The following PLXNB2 variants were observed in gnomAD, a reference collection of about 807,000 sequenced individuals.
The protein encoded by PLXNB2 is plexin-B2.
PLXNB2 carries 85 observed loss-of-function variants against 202.6 expected under a neutral mutation model. The ratio of observed to expected loss-of-function variants is 0.42; its 90% CI spans 0.35 to 0.50. PLXNB2 has a LOEUF of 0.50. Ranked by LOEUF, PLXNB2 falls within the 20% of genes least tolerant of loss-of-function variation. The pLI is 0.02. For synonymous variants in PLXNB2, 1,239 were observed against 1,137.6 expected, an observed-to-expected ratio of 1.09 and a Z score of -1.79; for missense variants, 2,063 against 2,586.2, an observed-to-expected ratio of 0.80 and a Z score of 4.39.
At chr22:50,276,760 TG>T in intron 34 of PLXNB2, 56 bp from the exon 35 acceptor site, 2 of 1,547,778 alleles carry the variant, frequency 1.3e-6, no homozygotes, top group Non-Finnish European at 1.8e-6. Flanking sequence ...AAGGGGGTGG[TG>T]GGGGAAACCA....
Position 50,297,443 on chromosome 22 carries a change from C to T in PLXNB2, c.-73-2665G>A, listed in dbSNP as rs75224671. On this transcript the variant is annotated intron_variant, in intron 1 of 36. Transcript: ENST00000359337. The surrounding 1 kb of genome is among the most constrained non-coding windows in gnomAD (Gnocchi z 5.3). ...GAGGAGGCTTTCTGCCGTCCTCTTC[C>T]CTGGCCCTCACCGTGGAGAACGGCC... 0.067 allele frequency among the ~76,000 whole-genome samples: 10,150 copies of T among 152,210 alleles called. 823 individuals are homozygous for T. The highest frequency in any genetic ancestry group is 0.19 in the African/African-American group (7,923 of 41,482).
Position 50,286,023 on chromosome 22 carries a change from G to A in PLXNB2, c.1953C>T (p.Pro651=). The part of the protein sequence containing the change: ...LRYHECREAS[P]NPEDGIVRAH... The stretch of plus-strand genomic sequence containing the variant: ...CACGGACGATGCCGTCCTCAGGGTT[G>A]GGCGAAGCCTCCCGGCACTCGTGGT... Residue 651 remains proline, a synonymous_variant, in exon 10 of 37, where the codon CCC becomes CCT. Transcript: ENST00000359337. 1.2e-6 allele frequency: 2 copies of A among 1,612,434 alleles called. No individual in the cohort carries two copies. Among genetic ancestry groups the A allele is most frequent in the South Asian group, 1.1e-5 (1 of 91,086 alleles).
At chr22:50,306,078 T>TCGGGTGA (rs1271157909) in intron 1 of PLXNB2, among the ~76,000 whole-genome samples, 1 of 152,194 alleles carries the variant, frequency 6.6e-6, no homozygotes, top group Non-Finnish European at 1.5e-5. Context: ...GCCTCCCGCT[T>TCGGGTGA]CGGGTGACTG....
intron 35 of PLXNB2, among the ~76,000 whole-genome samples, chr22:50,276,321 C>CACA (rs2065573803): frequency 5.0e-4 from 1 of 1,990 alleles, no homozygotes; most frequent in African/African-American, 2.1e-3. Flanking sequence ...TGGATGGAGC[C>CACA]GCAGGGAGGG....
chr22:50,298,408 C>T (rs1009794151), intron 1 of PLXNB2, among the ~76,000 whole-genome samples: 4 of 152,012 alleles, frequency 2.6e-5, no homozygotes, highest in Admixed American at 6.5e-5. Flanking sequence ...GCCCCTTGCA[C>T]GGGCTGAGTC....
chr22:50,275,867 G>A (rs773372832), intron 36 of PLXNB2, 22 bp downstream of exon 36: 35 of 1,609,366 alleles, frequency 2.2e-5, no homozygotes, highest in South Asian at 5.5e-5. Context: ...ACCTGCCCCC[G>A]CCCCCGGGGG....
At chr22:50,306,666 T>C (rs1201537101) in intron 1 of PLXNB2, among the ~76,000 whole-genome samples, 1 of 151,660 alleles carries the variant, frequency 6.6e-6, no homozygotes, top group African/African-American at 2.4e-5. Context: ...CGCCGGGATC[T>C]GCCGGGTTTG....
At position 50,275,526 on chromosome 22, in the gene PLXNB2, G is replaced by C. The variant is rs1408334148; in HGVS notation, c.*178C>G. On this transcript the variant is annotated 3_prime_UTR_variant, in exon 37 of 37. Coordinates refer to ENST00000359337, the MANE Select transcript of PLXNB2 (RefSeq NM_012401.4). ...TGCTGGTGCGGTGCCCGGCGGTATT[G>C]CTCAGAGGAAGATGCTACAGTCTAG... 1.5e-6 allele frequency: 1 copy of C among 667,358 alleles called. No individual in the cohort carries two copies. The highest frequency in any genetic ancestry group is 2.2e-5 in the Admixed American group (1 of 46,080). The allele number at this position is 667,358 out of a possible 1,614,324, so 41.3% of individuals were successfully genotyped here.
Position 50,283,700 on chromosome 22 carries a change from C to T in PLXNB2, c.2472G>A (p.Leu824=). The change falls in exon 15 of 37, where the codon CTG becomes CTA. Residue 824 remains leucine, a synonymous_variant. Coordinates refer to ENST00000359337, the MANE Select transcript of PLXNB2 (RefSeq NM_012401.4). The stretch of plus-strand genomic sequence containing the variant: ...CTGCTTGGACGCCCAAATTGGACCC[C>T]AGGATGGTGATGCGGATGCCCCCAC... ...PLGGGIRITI[L]GSNLGVQAGD... 1.9e-6 allele frequency: 3 copies of T among 1,613,188 alleles called. No individual in the cohort carries two copies. The highest frequency in any genetic ancestry group is 1.7e-5 in the Admixed American group (1 of 60,014).
intron 1 of PLXNB2, among the ~76,000 whole-genome samples, chr22:50,299,472 G>A (rs1051089071): frequency 1.1e-4 from 17 of 152,318 alleles, no homozygotes; most frequent in African/African-American, 3.6e-4. Flanking sequence ...CAGCCAGGGG[G>A]CCGGGCCAAA....
chr22:50,281,275 G>T, intron 22 of PLXNB2, 85 bp downstream of exon 22: 1 of 1,576,138 alleles, frequency 6.3e-7, no homozygotes, highest in Non-Finnish European at 8.7e-7. Context: ...ACGCCTGCCT[G>T]TGCAGGGCGG....
chr22:50,298,478 G>A (rs2067436722), intron 1 of PLXNB2, among the ~76,000 whole-genome samples: 1 of 152,168 alleles, frequency 6.6e-6, no homozygotes, highest in African/African-American at 2.4e-5. Context: ...GGGAAGGACA[G>A]AGCCCTACTC....
rs1443835685 is a variant in PLXNB2 at position 50,281,660 on chromosome 22, G to A, written c.3428C>T (p.Thr1143Met). Reference protein sequence around the residue: ...GAERCTMKTLTETDLYCEPPE... With the variant: ...GAERCTMKTLMETDLYCEPPE... ...GGGCTCACAGTACAGGTCGGTCTCC[G>A]TCAGCGTCTTCATGGTGCAGCGCTC... Residue 1143 changes from threonine to methionine, a missense_variant, in exon 21 of 37, where the codon ACG (threonine) becomes ATG (methionine). Physicochemically the swap from Thr to Met is moderately conservative, Grantham distance 81. Around this residue, in one of 2 missense-constraint regions of PLXNB2, gnomAD observed 760 missense variants for 1,109.4 expected, o/e 0.69. Coordinates refer to ENST00000359337, the MANE Select transcript of PLXNB2 (RefSeq NM_012401.4). 1.9e-6 allele frequency: 3 copies of A among 1,589,500 alleles called. No individual in the cohort carries two copies. The highest frequency in any genetic ancestry group is 2.6e-6 in the Non-Finnish European group (3 of 1,165,924).
rs567421938 is a variant in PLXNB2, at chr22:50,291,160, C to T, written c.-13-563G>A. Reference sequence around the variant, plus strand: ...AGTGCACATGCTGTTTACAACTGCCCGCCAGAGCCCCCAGGCGGCCTGAGC... The same window carrying T: ...AGTGCACATGCTGTTTACAACTGCCTGCCAGAGCCCCCAGGCGGCCTGAGC... On this transcript the variant is annotated intron_variant, in intron 2 of 36. Coordinates refer to ENST00000359337, the MANE Select transcript of PLXNB2 (RefSeq NM_012401.4). The surrounding 1 kb of genome is among the most constrained non-coding windows in gnomAD (Gnocchi z 4.3). 7.9e-5 allele frequency among the ~76,000 whole-genome samples: 12 copies of T among 152,120 alleles called. No homozygotes were observed. Among genetic ancestry groups the T allele is most frequent in the East Asian group, 1.9e-4 (1 of 5,188 alleles).
chr22:50,287,079 G>T (rs1569169604), intron 8 of PLXNB2, 32 bp downstream of exon 8: 3 of 1,472,980 alleles, frequency 2.0e-6, no homozygotes, highest in Non-Finnish European at 2.7e-6. Flanking sequence ...CGACCGAGAA[G>T]GGCCACCCGG....
chr22:50,287,720 C>T lies in PLXNB2; in HGVS notation c.1555G>A (p.Val519Met), dbSNP rs370179188. 650 of 1,570,428 alleles carry T rather than the reference C, an allele frequency of 4.1e-4. 6 individuals carry two copies. Among genetic ancestry groups the T allele is most frequent in the Admixed American group, 5.3e-4 (29 of 55,046 alleles). The change falls in exon 7 of 37, where the codon GTG becomes ATG. Residue 519 changes from valine (V) to methionine (M), a missense_variant. Transcript: ENST00000359337. The part of the protein sequence containing the change: ...HWLWSRSKSC[V>M]AVTSAQPQNM... ...TGTGGCTGGGCGCTGGTGACGGCCA[C>T]GCAGGACTTGCTTCGGCTCCACAGC...
chr22:50,287,488 G>A (rs1221703342), intron 7 of PLXNB2, among the ~76,000 whole-genome samples, 179 bp downstream of exon 7: 3 of 152,124 alleles, frequency 2.0e-5, no homozygotes, highest in African/African-American at 4.8e-5. Flanking sequence ...GCCCGCCCAG[G>A]TCATAGGGGT....
chr22:50,302,536 C>T (rs1023241190), intron 1 of PLXNB2, among the ~76,000 whole-genome samples: 5 of 152,132 alleles, frequency 3.3e-5, no homozygotes, highest in Non-Finnish European at 5.9e-5. Context: ...GACCCTCCAG[C>T]GAGCTTTGCT....
At position 50,275,374 on chromosome 22, in the gene PLXNB2, G is replaced by A. The variant is rs1320049325; in HGVS notation, c.*330C>T. ...AGGGCATGGAGGCGGCTGCTGGTGC[G>A]TGGGCGGAGGCGGAGGCCAGCTGCC... On this transcript the variant is annotated 3_prime_UTR_variant, in exon 37 of 37. Coordinates refer to ENST00000359337, the MANE Select transcript of PLXNB2 (RefSeq NM_012401.4). The A allele has an allele frequency of 2.9e-5, 14 of 476,896 alleles. No individual in the cohort carries two copies. The highest frequency in any genetic ancestry group is 5.4e-5 in the Non-Finnish European group (13 of 241,902). 29.5% of individuals were successfully genotyped at this position (476,896 alleles called of 1,614,324 possible).
Sources: gnomAD v4.1 joint callset for allele counts (sites outside exome capture counted in the v4.1 genomes callset) on GRCh38, gnomAD v4.1.1 for gene constraint, gnomAD v4.1.1 regional missense constraint, Gnocchi (gnomAD v3.1) non-coding constraint, MANE v1.5 for transcripts, NCBI Gene and HGNC (gene_info 2026-07-23, HGNC 2026-07-21) for gene names.